Variants in SLX4IP observed in about 807,000 individuals in gnomAD.
SLX4IP encodes the protein protein SLX4IP.
SLX4IP carries 34 observed loss-of-function variants against 32.9 expected under a neutral mutation model. The observed-to-expected ratio is 1.03, with a 90% CI of 0.79 to 1.38. The LOEUF (loss-of-function observed/expected upper bound fraction) is 1.38, where lower values mean the gene tolerates loss of function less well. Among genes scored for constraint, SLX4IP ranks in the 40% most tolerant of loss-of-function variants. SLX4IP has a pLI of 0.00. For synonymous variants in SLX4IP, 172 were observed against 171.7 expected, an observed-to-expected ratio of 1.00 and a Z score of -0.01; for missense variants, 444 against 479.0, an observed-to-expected ratio of 0.93 and a Z score of 0.68.
chr20:10,603,698 C>A (rs2066869708), intron 6 of SLX4IP, among the ~76,000 whole-genome samples: 1 of 152,168 alleles, frequency 6.6e-6, no homozygotes, highest in Admixed American at 6.5e-5. Flanking sequence ...CACTACTCAA[C>A]AGTTTCATCT....
At chr20:10,476,142 CTG>C (rs143264128) in intron 2 of SLX4IP, among the ~76,000 whole-genome samples, 3,718 of 150,904 alleles carry the variant, frequency 0.025, 94 homozygotes, top group Admixed American at 0.094. Context: ...ACATCCCTCA[CTG>C]TGTGTGTGTG....
chr20:10,542,214 A>G (rs2066115265), intron 2 of SLX4IP, among the ~76,000 whole-genome samples: 1 of 152,150 alleles, frequency 6.6e-6, no homozygotes, highest in South Asian at 2.1e-4. Context: ...CTTTGTGTCA[A>G]TAGAGTTTTC....
chr20:10,544,072 G>T, intron 2 of SLX4IP, among the ~76,000 whole-genome samples: 1 of 152,146 alleles, frequency 6.6e-6, no homozygotes, highest in East Asian at 1.9e-4. Flanking sequence ...CCTCATCCCA[G>T]TGGTCGAGCC....
Position 10,622,950 on chromosome 20 carries a change from G to A in SLX4IP, c.798G>A (p.Gly266=). 6.2e-7 allele frequency: 1 copy of A among 1,614,136 alleles called. No homozygotes were observed. Among genetic ancestry groups the A allele is most frequent in the African/African-American group, 1.3e-5 (1 of 75,020 alleles). ...ATCCTGGGGAGCGGTTAAAGACAGGGCTTCTAAGCAGGAGCCCCGTCTGTA... is the reference window on the plus strand; with the variant it reads ...ATCCTGGGGAGCGGTTAAAGACAGGACTTCTAAGCAGGAGCCCCGTCTGTA... ...KPHPGERLKT[G]LLSRSPVCSC... The change falls in exon 8 of 8, where the codon GGG becomes GGA. Residue 266 remains glycine, a synonymous_variant. Coordinates refer to ENST00000334534, the MANE Select transcript of SLX4IP (RefSeq NM_001009608.3).
intron 4 of SLX4IP, among the ~76,000 whole-genome samples, chr20:10,590,947 C>T (rs956249129): frequency 1.3e-5 from 2 of 152,146 alleles, no homozygotes; most frequent in Admixed American, 1.3e-4. Context: ...TTGGACCACA[C>T]AATATATTTT....
At chr20:10,496,314 T>G (rs560790173) in intron 2 of SLX4IP, among the ~76,000 whole-genome samples, 1 of 152,266 alleles carries the variant, frequency 6.6e-6, no homozygotes, top group South Asian at 2.1e-4. Flanking sequence ...TAGCCCTTTA[T>G]TTTGTGTCTT....
At chr20:10,559,845 A>G (rs2066310981) in intron 3 of SLX4IP, among the ~76,000 whole-genome samples, 1 of 152,236 alleles carries the variant, frequency 6.6e-6, no homozygotes, top group Admixed American at 6.5e-5. Flanking sequence ...TTTCACTGTT[A>G]GTACATGAGT....
At position 10,548,834 on chromosome 20, in the gene SLX4IP, G is replaced by A. The variant is rs951488914; in HGVS notation, c.28-7397G>A. 7.9e-5 allele frequency among the ~76,000 whole-genome samples: 12 copies of A among 152,308 alleles called. No individual in the cohort carries two copies. The South Asian group carries it at 1.9e-3, about 24-fold the overall frequency. On this transcript the variant is annotated intron_variant, in intron 2 of 7. Transcript: ENST00000334534. ...GCTTGACACCAAGTCTGGCACACAA[G>A]CGCTCCATGAATCTTATTGTTATTG...
At chr20:10,593,150 ACAAAGTGCCCTTTC>A (rs1204756192) in intron 4 of SLX4IP, among the ~76,000 whole-genome samples, 3 of 152,206 alleles carry the variant, frequency 2.0e-5, no homozygotes, top group African/African-American at 7.2e-5. Flanking sequence ...TCTGATTATG[ACAAAGTGCCCTTTC>A]TTAAAGCAAA....
At chr20:10,551,780 G>A (rs1312540380) in intron 2 of SLX4IP, among the ~76,000 whole-genome samples, 1 of 152,238 alleles carries the variant, frequency 6.6e-6, no homozygotes, top group Non-Finnish European at 1.5e-5. Context: ...AGCGAGGCAA[G>A]TTGTAATGTA....
At chr20:10,449,607 T>C (rs2065226279) in intron 1 of SLX4IP, among the ~76,000 whole-genome samples, 1 of 152,212 alleles carries the variant, frequency 6.6e-6, no homozygotes, top group African/African-American at 2.4e-5. Flanking sequence ...ATTAGGGGAA[T>C]AGATGGCAAG....
chr20:10,456,470 T>G (rs1447719905), intron 1 of SLX4IP, among the ~76,000 whole-genome samples: 7 of 152,126 alleles, frequency 4.6e-5, no homozygotes, highest in African/African-American at 1.7e-4. Context: ...GCCTCCTGAG[T>G]AGCTGGGATT....
intron 4 of SLX4IP, among the ~76,000 whole-genome samples, chr20:10,592,691 G>C (rs1347366153): frequency 8.1e-6 from 1 of 122,886 alleles, no homozygotes; most frequent in Non-Finnish European, 1.6e-5. Flanking sequence ...CCGGAGTGCA[G>C]TGCCATGATC....
intron 2 of SLX4IP, among the ~76,000 whole-genome samples, chr20:10,544,145 C>T (rs667940): frequency 6.6e-6 from 1 of 151,958 alleles, no homozygotes; most frequent in South Asian, 2.1e-4. Flanking sequence ...AAAGGATTTA[C>T]ATGCAGTTAT....
chr20:10,509,360 C>T lies in SLX4IP; in HGVS notation c.28-46871C>T, dbSNP rs552440934. On this transcript the variant is annotated intron_variant, in intron 2 of 7. Coordinates refer to ENST00000334534, the MANE Select transcript of SLX4IP (RefSeq NM_001009608.3). ...CTGAATGGAAAATGACTGAGATCAC[C>T]GAGTTGATAGTCACCAGCAGAGCAC... Among the ~76,000 whole-genome samples, 10 of 152,236 alleles carry T rather than the reference C, an allele frequency of 6.6e-5. No homozygotes were observed. In the South Asian group the frequency reaches 1.9e-3, roughly 28 times the overall value.
chr20:10,478,392 A>G (rs1359227394), intron 2 of SLX4IP, among the ~76,000 whole-genome samples: 1 of 152,182 alleles, frequency 6.6e-6, no homozygotes, highest in Non-Finnish European at 1.5e-5. Flanking sequence ...AGGCAGTGAG[A>G]TTGAGTAATT....
chr20:10,473,068 A>G (rs563262819), intron 2 of SLX4IP, among the ~76,000 whole-genome samples: 96 of 152,304 alleles, frequency 6.3e-4, no homozygotes, highest in Non-Finnish European at 3.2e-4. Context: ...TGAAAAATGC[A>G]TTTTGGTCTG....
At chr20:10,613,089 G>A (rs1287647763) in intron 6 of SLX4IP, 7 of 303,536 alleles carry the variant, frequency 2.3e-5, no homozygotes, top group Middle Eastern at 1.1e-3. Context: ...TAACAGACAC[G>A]CACATCGCAG....
At chr20:10,607,788 G>A (rs2066921572) in intron 6 of SLX4IP, among the ~76,000 whole-genome samples, 2 of 152,092 alleles carry the variant, frequency 1.3e-5, no homozygotes, top group South Asian at 4.1e-4. Flanking sequence ...AATCTCTAGG[G>A]TGAGATCATT....
Sources: allele counts gnomAD v4.1 joint callset (sites outside exome capture counted in the v4.1 genomes callset), GRCh38; gene constraint gnomAD v4.1.1; transcripts MANE v1.5; gene names NCBI Gene and HGNC (gene_info 2026-07-23, HGNC 2026-07-21).